TRDN: variants seen among roughly 807,000 people sequenced by gnomAD.
TRDN encodes triadin, also known as triadin in skeletal muscle.
Under a neutral mutation model 149.7 loss-of-function variants are expected in TRDN, and 161 were observed. That is an observed-to-expected ratio of 1.08 (90% CI 0.95 to 1.23). The LOEUF (loss-of-function observed/expected upper bound fraction) is 1.23, where lower values mean the gene tolerates loss of function less well. Ranked by LOEUF, TRDN falls within the 50% of genes most tolerant of loss-of-function variation. The pLI is 0.00. For synonymous variants in TRDN, 294 were observed against 250.5 expected (o/e 1.17, Z -1.64); for missense variants, 896 against 823.5 (o/e 1.09, Z -1.08).
intron 30 of TRDN, 88 bp downstream of exon 30, chr6:123,271,051 G>GTGTC: frequency 2.9e-6 from 2 of 694,210 alleles, no homozygotes; most frequent in Non-Finnish European, 4.6e-6. Context: ...GTGTGTGTGT[G>GTGTC]TGTGTGTGTG....
intron 20 of TRDN, among the ~76,000 whole-genome samples, chr6:123,354,884 T>C (rs1780600358): frequency 6.6e-6 from 1 of 151,712 alleles, no homozygotes; most frequent in African/African-American, 2.4e-5. Context: ...TATATTTCCC[T>C]TACATTGTAA....
intron 26 of TRDN, among the ~76,000 whole-genome samples, chr6:123,277,177 A>AAGGAAGAATCATACTCCAAGTTTTAT (rs1777396191): frequency 2.6e-5 from 4 of 152,154 alleles, no homozygotes; most frequent in Non-Finnish European, 5.9e-5. Context: ...AATTTTGCTG[A>AAGGAAGAATCATACTCCAAGTTTTAT]AGGAAGAATC....
intron 23 of TRDN, among the ~76,000 whole-genome samples, chr6:123,327,836 T>A (rs941952447): frequency 2.7e-4 from 41 of 152,170 alleles, no homozygotes; most frequent in Non-Finnish European, 2.1e-4. Flanking sequence ...CTATATCTGA[T>A]ACAATGTTGA....
intron 10 of TRDN, chr6:123,441,140 A>G (rs1049809371): frequency 6.6e-6 from 1 of 152,164 alleles, no homozygotes; most frequent in Non-Finnish European, 1.5e-5. Flanking sequence ...TCTCTGTTAT[A>G]TAGGTGATTT....
chr6:123,388,546 C>T lies in TRDN; in HGVS notation c.1111G>A (p.Ala371Thr). ...CCTTCCTTCTTTTCATCCTTCTTAGCTGCTGCTGAAGTAATGAAAATAGCG... is the reference window on the plus strand; with the variant it reads ...CCTTCCTTCTTTTCATCCTTCTTAGTTGCTGCTGAAGTAATGAAAATAGCG... ...GTVKIAAQAA[A>T]KKDEKKEDSK... The change falls in exon 14 of 41, where the codon GCT (alanine) becomes ACT (threonine). Residue 371 changes from alanine to threonine, a missense_variant. Physicochemically the swap from Ala to Thr is moderately conservative, Grantham distance 58 (BLOSUM62 0). Coordinates refer to ENST00000334268, the MANE Select transcript of TRDN (RefSeq NM_006073.4). 6.3e-7 allele frequency: 1 copy of T among 1,585,866 alleles called. No homozygotes were observed. Among genetic ancestry groups the T allele is most frequent in the African/African-American group, 1.3e-5 (1 of 74,732 alleles).
intron 9 of TRDN, among the ~76,000 whole-genome samples, chr6:123,490,556 T>C (rs887711661): frequency 1.3e-5 from 2 of 152,212 alleles, no homozygotes; most frequent in Admixed American, 6.5e-5. Flanking sequence ...AGGACACGAC[T>C]GTATTCTCAT....
chr6:123,390,483 T>C (rs1279527457), intron 13 of TRDN, among the ~76,000 whole-genome samples: 1 of 152,276 alleles, frequency 6.6e-6, no homozygotes, highest in African/African-American at 2.4e-5. Context: ...ATGGAGATAG[T>C]TGAATGAAGG....
Position 123,543,005 on chromosome 6 carries a change from A to G in TRDN, c.424+4335T>C, listed in dbSNP as rs192154620. The stretch of plus-strand genomic sequence containing the variant: ...AATAGATATCATTACTATTATTCAC[A>G]TTTTCATATGCTTTCAGTTCAATTT... On this transcript the variant is annotated intron_variant, in intron 4 of 40. Coordinates refer to ENST00000334268, the MANE Select transcript of TRDN (RefSeq NM_006073.4). 5.0e-4 allele frequency among the ~76,000 whole-genome samples: 76 copies of G among 152,140 alleles called. No homozygotes were observed. The East Asian group carries it at 9.5e-3, about 19-fold the overall frequency.
At chr6:123,441,692 A>G (rs1003235809) in intron 10 of TRDN, among the ~76,000 whole-genome samples, 1 of 152,274 alleles carries the variant, frequency 6.6e-6, no homozygotes, top group East Asian at 1.9e-4. Flanking sequence ...CTTGCTTTTA[A>G]ATGTTTTTTA....
At chr6:123,255,028 A>G (rs1185169821) in intron 37 of TRDN, 53 bp downstream of exon 37, 43 of 997,106 alleles carry the variant, frequency 4.3e-5, no homozygotes, top group Non-Finnish European at 6.2e-5. Context: ...TTAAGCAACA[A>G]CATAATTCAT....
At chr6:123,483,382 G>A (rs62420489) in intron 9 of TRDN, among the ~76,000 whole-genome samples, 20,494 of 151,824 alleles carry the variant, frequency 0.13, 1,934 homozygotes, top group South Asian at 0.3. Context: ...GATTACAGGC[G>A]TGAGCCACTG....
chr6:123,571,214 G>A, intron 1 of TRDN, 82 bp from the exon 2 acceptor site: 1 of 1,439,570 alleles, frequency 6.9e-7, no homozygotes, highest in Non-Finnish European at 9.5e-7. Flanking sequence ...CTATATGAGT[G>A]CTGAACCTGT....
chr6:123,579,637 T>A (rs918885080), intron 1 of TRDN, among the ~76,000 whole-genome samples: 1 of 152,160 alleles, frequency 6.6e-6, no homozygotes, highest in Non-Finnish European at 1.5e-5. Context: ...AGTTTTGGTA[T>A]GAGGATGATG....
chr6:123,581,468 A>G (rs1481845686), intron 1 of TRDN, among the ~76,000 whole-genome samples: 1 of 152,216 alleles, frequency 6.6e-6, no homozygotes, highest in African/African-American at 2.4e-5. Context: ...TAAGGCCCCA[A>G]TAGTTATTAA....
At chr6:123,220,624 A>G (rs1429432000) in intron 40 of TRDN, among the ~76,000 whole-genome samples, 3 of 151,766 alleles carry the variant, frequency 2.0e-5, no homozygotes, top group African/African-American at 7.3e-5. Flanking sequence ...AAGTACTTGG[A>G]ACATAGTAGG....
chr6:123,394,547 T>C lies in TRDN; in HGVS notation c.1052-870A>G, dbSNP rs184772637. Among the ~76,000 whole-genome samples the C allele has an allele frequency of 3.3e-3, 501 of 152,282 alleles. 1 individual carries two copies. Among genetic ancestry groups the C allele is most frequent in the Admixed American group, 4.2e-3 (64 of 15,288 alleles). On this transcript the variant is annotated intron_variant, in intron 12 of 40. Transcript: ENST00000334268. Reference sequence around the variant, plus strand: ...TCACATGTTTAGCAATAATTATGTGTGGACACGAAGTTAGGTGGATATGTA... The same window carrying C: ...TCACATGTTTAGCAATAATTATGTGCGGACACGAAGTTAGGTGGATATGTA...
At chr6:123,600,584 G>A (rs1784235432) in intron 1 of TRDN, among the ~76,000 whole-genome samples, 1 of 152,054 alleles carries the variant, frequency 6.6e-6, no homozygotes, top group African/African-American at 2.4e-5. Flanking sequence ...TAATCTGAGG[G>A]AACAGAAATA....
rs145029839 is a variant in TRDN, at chr6:123,419,297, G to T, written c.1051+18766C>A. Among the ~76,000 whole-genome samples, 1,027 of 152,256 alleles carry T rather than the reference G, an allele frequency of 6.7e-3. 13 individuals carry two copies. The highest frequency in any genetic ancestry group is 0.024 in the African/African-American group (982 of 41,556). ...TGAAAATAGAAATCTGAGAGGAACT[G>T]GGGTTAAGCAGAAGTCAGCATAGTG... is the stretch of plus-strand genomic sequence containing the variant. On this transcript the variant is annotated intron_variant, in intron 12 of 40. Coordinates refer to ENST00000334268, the MANE Select transcript of TRDN (RefSeq NM_006073.4).
At chr6:123,576,989 C>T (rs1782889652) in intron 1 of TRDN, among the ~76,000 whole-genome samples, 1 of 151,770 alleles carries the variant, frequency 6.6e-6, no homozygotes, top group Non-Finnish European at 1.5e-5. Context: ...AAAGAAAATG[C>T]CAACTTCATA....
Sources: gnomAD v4.1 joint callset for allele counts (sites outside exome capture counted in the v4.1 genomes callset) on GRCh38, gnomAD v4.1.1 for gene constraint, MANE v1.5 for transcripts, NCBI Gene and HGNC (gene_info 2026-07-23, HGNC 2026-07-21) for gene names.